CLTRN: variants seen among roughly 807,000 people sequenced by gnomAD.
CLTRN encodes collectrin.
In CLTRN, 12 loss-of-function variants were observed where a neutral mutation model predicts 14.5. That is an observed-to-expected ratio of 0.83 (90% CI 0.53 to 1.34). CLTRN has a LOEUF of 1.34. Among genes scored for constraint, CLTRN ranks in the 40% most tolerant of loss-of-function variants. The pLI is 0.00. For synonymous variants in CLTRN, 58 were observed against 56.5 expected (o/e 1.03, Z -0.12); for missense variants, 154 against 165.1 (o/e 0.93, Z 0.37).
Position 15,674,757 on chromosome X carries a change from T to A in CLTRN, c.-506+232A>T, listed in dbSNP as rs1226827352. Among the ~76,000 whole-genome samples the A allele has an allele frequency of 7.1e-5, 8 of 112,543 alleles. No individual in the cohort carries two copies. The Admixed American group carries it at 7.5e-4, about 10-fold the overall frequency. On this transcript the variant is annotated intron_variant, in intron 1 of 6. Transcript: ENST00000650271. ...GCTTCCCGGGATCAAGTATCGCACC[T>A]AAAAGGAGCGCAGAGAGCGTGCAAC...
chrX:15,666,675 G>A (rs1281880442), upstream of CLTRN, among the ~76,000 whole-genome samples: 1 of 111,643 alleles, frequency 9.0e-6, no homozygotes, highest in Non-Finnish European at 1.9e-5. Context: ...AGGACACGGA[G>A]TCAGGAAAAG....
intron 2 of CLTRN, among the ~76,000 whole-genome samples, chrX:15,660,846 A>C (rs866843196): frequency 1.9e-5 from 2 of 104,806 alleles, no homozygotes; most frequent in African/African-American, 3.6e-5. Context: ...ACAACAACAA[A>C]AGAATGGAAA....
chrX:15,635,756 A>C (rs966674731), intron 5 of CLTRN, among the ~76,000 whole-genome samples: 2 of 112,362 alleles, frequency 1.8e-5, no homozygotes, highest in Non-Finnish European at 3.8e-5. Flanking sequence ...CAAATTCAAA[A>C]ATAGACAAAT....
rs1929027204 is a variant in CLTRN at position 15,644,970 on chromosome X, G to T, written c.263C>A (p.Thr88Lys). 8.3e-7 allele frequency: 1 copy of T among 1,208,439 alleles called. No homozygotes were observed. The highest frequency in any genetic ancestry group is 2.2e-5 in the Admixed American group (1 of 45,630). The part of the protein sequence containing the change: ...TQRVSFWFVV[T>K]DPSKNHTLPA... ...AAGGGTGTGATTTTTTGAAGGGTCT[G>T]TAACCACAAACCAGAATGATACCCT... The change falls in exon 4 of 6, where the codon ACA becomes AAA. Residue 88 changes from threonine (T) to lysine (K), a missense_variant. Transcript: ENST00000380342.
At chrX:15,648,147 G>A (rs1354073176) in intron 3 of CLTRN, among the ~76,000 whole-genome samples, 2 of 106,685 alleles carry the variant, frequency 1.9e-5, no homozygotes, top group Non-Finnish European at 3.9e-5. Flanking sequence ...CACAGACACT[G>A]GTGAGGATGT....
intron 3 of CLTRN, chrX:15,646,189 C>T (rs1184670633): frequency 5.5e-6 from 1 of 180,737 alleles, no homozygotes; most frequent in African/African-American, 3.0e-5. Flanking sequence ...AGCTGCGCGC[C>T]GCAAAGCTCT....
intron 5 of CLTRN, among the ~76,000 whole-genome samples, chrX:15,638,889 ATAAGGATGACCTGAG>A (rs1358045350): frequency 8.9e-6 from 1 of 112,259 alleles, no homozygotes; most frequent in African/African-American, 3.2e-5. Context: ...AACTCAATGA[ATAAGGATGACCTGAG>A]TATTCATTAA....
At chrX:15,665,146 C>T (rs1208034781), upstream of CLTRN, 1 of 132,961 alleles carries the variant, frequency 7.5e-6, no homozygotes, top group African/African-American at 3.2e-5. Flanking sequence ...TTGACATGCA[C>T]TTCCCACCTT....
chrX:15,627,804 T>A lies in CLTRN; in HGVS notation c.*167A>T, dbSNP rs1928598652. The A allele has an allele frequency of 3.2e-6, 1 of 314,779 alleles. No homozygotes were observed. The allele number at this position is 314,779 out of a possible 1,213,427, so 25.9% of individuals were successfully genotyped here. On this transcript the variant is annotated 3_prime_UTR_variant, in exon 6 of 6. Transcript: ENST00000380342. ...CGTGAATAGCTTATGATTTCAGTGGTGTTGGTGGGTATAATTGATTGCTTT... is the reference window on the plus strand; with the variant it reads ...CGTGAATAGCTTATGATTTCAGTGGAGTTGGTGGGTATAATTGATTGCTTT...
At chrX:15,645,153 C>A (rs1214997315) in intron 3 of CLTRN, 124 bp from the exon 4 acceptor site, 3 of 388,820 alleles carry the variant, frequency 7.7e-6, no homozygotes. Context: ...GTCATTTCTA[C>A]CATTATGAAG....
At chrX:15,673,398 T>C (rs1481023142) in intron 1 of CLTRN, among the ~76,000 whole-genome samples, 2 of 112,384 alleles carry the variant, frequency 1.8e-5, no homozygotes, top group African/African-American at 6.5e-5. Context: ...CCTTAAACTA[T>C]AATACTTACT....
upstream of CLTRN, among the ~76,000 whole-genome samples, chrX:15,667,656 TG>T (rs1383346464): frequency 1.8e-5 from 2 of 112,331 alleles, no homozygotes; most frequent in Non-Finnish European, 3.8e-5. Flanking sequence ...AAAACAAAAC[TG>T]GGGTCATGCT....
chrX:15,668,112 A>G (rs866511372), upstream of CLTRN, among the ~76,000 whole-genome samples: 12 of 112,609 alleles, frequency 1.1e-4, no homozygotes, highest in Middle Eastern at 9.2e-3. Flanking sequence ...AAAAAAAAGT[A>G]GAAAACATCC....
chrX:15,637,334 A>G (rs5935996), intron 5 of CLTRN, among the ~76,000 whole-genome samples: 22,132 of 110,853 alleles, frequency 0.2, 1,917 homozygotes, highest in East Asian at 0.52. Flanking sequence ...CCCCACTTCA[A>G]ACTGCACCCT....
upstream of CLTRN, among the ~76,000 whole-genome samples, chrX:15,668,336 G>A (rs1209016110): frequency 1.8e-5 from 2 of 111,724 alleles, no homozygotes; most frequent in Non-Finnish European, 3.8e-5. Context: ...ACGGAATCTG[G>A]CAAGTGGCTT....
intron 3 of CLTRN, chrX:15,646,459 C>T: frequency 7.4e-5 from 14 of 187,966 alleles, no homozygotes; most frequent in Non-Finnish European, 1.1e-4. Flanking sequence ...AAACCGCGCA[C>T]CCACCCCCCC....
At chrX:15,661,226 G>A in intron 2 of CLTRN, among the ~76,000 whole-genome samples, 1 of 112,243 alleles carries the variant, frequency 8.9e-6, no homozygotes. Context: ...AATAAGCTCA[G>A]TGCAGAAAAT....
chrX:15,656,055 G>A (rs1929352364), intron 3 of CLTRN, among the ~76,000 whole-genome samples: 2 of 111,688 alleles, frequency 1.8e-5, no homozygotes, highest in South Asian at 7.5e-4. Context: ...CTAGGGGAGT[G>A]GAAATGCCAC....
chrX:15,635,518 A>G (rs949325072), intron 5 of CLTRN, among the ~76,000 whole-genome samples: 2 of 112,584 alleles, frequency 1.8e-5, no homozygotes, highest in Non-Finnish European at 3.8e-5. Flanking sequence ...GATGGCAAGA[A>G]CACACAATGA....
Sources: allele counts gnomAD v4.1 joint callset (sites outside exome capture counted in the v4.1 genomes callset), GRCh38; gene constraint gnomAD v4.1.1; transcripts MANE v1.5; gene names NCBI Gene and HGNC (gene_info 2026-07-23, HGNC 2026-07-21).